Variants in TNS3 observed in about 807,000 individuals in gnomAD.
The protein encoded by TNS3 is tensin-3.
TNS3 carries 45 observed loss-of-function variants against 140.9 expected under a neutral mutation model. That is an observed-to-expected ratio of 0.32 (90% CI 0.25 to 0.41). The LOEUF is 0.41. Among genes scored for constraint, TNS3 ranks in the 10% least tolerant of loss-of-function variants. The pLI is 1.00. For synonymous variants in TNS3, 815 were observed against 788.4 expected, an observed-to-expected ratio of 1.03 and a Z score of -0.56; for missense variants, 1,716 against 1,906.7, an observed-to-expected ratio of 0.90 and a Z score of 1.86.
At chr7:47,308,567 G>T (rs932045588) in intron 20 of TNS3, among the ~76,000 whole-genome samples, 12 of 152,202 alleles carry the variant, frequency 7.9e-5, no homozygotes, top group Middle Eastern at 3.4e-3. Context: ...GGATATTTTT[G>T]TATTCTTATA....
rs1490081796 is a variant in TNS3, at chr7:47,552,660, T to C, written c.-264-23513A>G. ...GACTGCGAACTCAATGGATAAACGTTCTGTGTGTTCTGATGCTCTGGACTG... is the reference window on the plus strand; with the variant it reads ...GACTGCGAACTCAATGGATAAACGTCCTGTGTGTTCTGATGCTCTGGACTG... On this transcript the variant is annotated intron_variant, in intron 1 of 30. Transcript: ENST00000311160. Among the ~76,000 whole-genome samples the C allele has an allele frequency of 2.0e-5, 3 of 152,172 alleles. No homozygotes were observed. In the East Asian group the frequency reaches 5.8e-4, roughly 29 times the overall value.
chr7:47,382,915 G>C (rs554220147), intron 16 of TNS3, among the ~76,000 whole-genome samples: 2 of 152,138 alleles, frequency 1.3e-5, no homozygotes, highest in Non-Finnish European at 2.9e-5. Context: ...TGAGTTTCCC[G>C]AATATCTCTG....
intron 10 of TNS3, 151 bp from the exon 11 acceptor site, chr7:47,415,357 T>A (rs900842231): frequency 3.4e-6 from 2 of 585,538 alleles, no homozygotes; most frequent in Non-Finnish European, 5.9e-6. Context: ...AGCATGGTGC[T>A]GCGCTTACAG....
intron 20 of TNS3, among the ~76,000 whole-genome samples, chr7:47,321,830 T>C (rs1194154270): frequency 6.6e-6 from 1 of 152,084 alleles, no homozygotes; most frequent in Non-Finnish European, 1.5e-5. Flanking sequence ...CCAAAGACCA[T>C]CCACTTAGAA....
intron 17 of TNS3, among the ~76,000 whole-genome samples, chr7:47,348,112 G>C (rs1015090440): frequency 3.3e-5 from 5 of 152,388 alleles, no homozygotes; most frequent in African/African-American, 7.2e-5. Flanking sequence ...CCAAGAATGA[G>C]TTTAAAGAGG....
chr7:47,478,893 TAACA>T (rs1797305135), intron 4 of TNS3, among the ~76,000 whole-genome samples: 1 of 151,714 alleles, frequency 6.6e-6, no homozygotes, highest in Non-Finnish European at 1.5e-5. Flanking sequence ...ACTACATGCA[TAACA>T]TACATGTATG....
chr7:47,505,470 G>A (rs576576889), intron 3 of TNS3, among the ~76,000 whole-genome samples: 3 of 152,322 alleles, frequency 2.0e-5, no homozygotes, highest in Admixed American at 6.5e-5. Context: ...AAAGCAAGAG[G>A]AGAAGCGCTC....
In TNS3 at chr7:47,369,627, G is replaced by A; in HGVS notation, c.1025-6C>T. The A allele has an allele frequency of 6.5e-7, 1 of 1,546,536 alleles. No homozygotes were observed. On this transcript the variant is annotated splice_region_variant and splice_polypyrimidine_tract_variant and intron_variant, in intron 16 of 30. Coordinates refer to ENST00000311160, the MANE Select transcript of TNS3 (RefSeq NM_022748.12). ...AGGGCCCTGCGTGTGTAGCACTGCG[G>A]GGGAGAAAACCGGAGAGAGGCTTTC...
At chr7:47,497,155 T>G (rs1798043203) in intron 3 of TNS3, among the ~76,000 whole-genome samples, 1 of 152,200 alleles carries the variant, frequency 6.6e-6, no homozygotes, top group African/African-American at 2.4e-5. Flanking sequence ...ATATATATAC[T>G]TTCTTGTCAT....
rs538462143 is a variant in TNS3 at position 47,571,139 on chromosome 7, G to T, written c.-265+10912C>A. 5.3e-5 allele frequency among the ~76,000 whole-genome samples: 8 copies of T among 152,300 alleles called. No homozygotes were observed. The South Asian group carries it at 8.3e-4, about 16-fold the overall frequency. ...CTGAAAAACACTTCTTTTGGGGTCA[G>T]AGCTCTCAAAAGGGTGACCAACCAC... On this transcript the variant is annotated intron_variant, in intron 1 of 30. Transcript: ENST00000311160.
intron 20 of TNS3, among the ~76,000 whole-genome samples, chr7:47,314,459 G>C (rs944988004): frequency 5.9e-5 from 9 of 152,176 alleles, no homozygotes; most frequent in African/African-American, 2.2e-4. Flanking sequence ...CGGCAGGGCT[G>C]GGGGAGGTGC....
At chr7:47,445,913 A>G (rs1190392170) in intron 4 of TNS3, among the ~76,000 whole-genome samples, 1 of 152,238 alleles carries the variant, frequency 6.6e-6, no homozygotes, top group African/African-American at 2.4e-5. Context: ...GGTTGCACAA[A>G]TCTAAACCCT....
At chr7:47,498,753 T>C (rs1485871668) in intron 3 of TNS3, among the ~76,000 whole-genome samples, 2 of 152,206 alleles carry the variant, frequency 1.3e-5, no homozygotes, top group Non-Finnish European at 2.9e-5. Context: ...ACAGCCAACA[T>C]GGTCCCGTCA....
intron 17 of TNS3, among the ~76,000 whole-genome samples, chr7:47,347,291 G>A (rs573734842): frequency 6.6e-6 from 1 of 152,208 alleles, no homozygotes; most frequent in Non-Finnish European, 1.5e-5. Context: ...TTCCAAATTG[G>A]TTGATGGCCA....
chr7:47,456,310 C>T (rs925304743), intron 4 of TNS3, among the ~76,000 whole-genome samples: 1 of 152,056 alleles, frequency 6.6e-6, no homozygotes, highest in African/African-American at 2.4e-5. Context: ...AGTATTTATA[C>T]CAAAGAAATC....
At chr7:47,329,108 G>A (rs1788191323) in intron 20 of TNS3, among the ~76,000 whole-genome samples, 1 of 152,100 alleles carries the variant, frequency 6.6e-6, no homozygotes, top group Admixed American at 6.5e-5. Flanking sequence ...CCCGTGACCC[G>A]AAATCTGACT....
chr7:47,482,829 G>T (rs1051801679), intron 3 of TNS3, among the ~76,000 whole-genome samples: 20 of 152,188 alleles, frequency 1.3e-4, no homozygotes, highest in Non-Finnish European at 2.6e-4. Flanking sequence ...CTCTGAAAAG[G>T]CCACATACTG....
In TNS3 at chr7:47,304,932, T is replaced by C; in HGVS notation, c.2722A>G (p.Thr908Ala). 2.1e-6 allele frequency: 3 copies of C among 1,434,434 alleles called. No homozygotes were observed. The highest frequency in any genetic ancestry group is 1.6e-5 in the South Asian group (1 of 63,064). The allele number at this position is 1,434,434 out of a possible 1,614,324, so 88.9% of individuals were successfully genotyped here. The change falls in exon 21 of 31, where the codon ACG becomes GCG. Residue 908 changes from threonine (T) to alanine (A), a missense_variant. Thr to Ala is a moderately conservative substitution (Grantham distance 58). This residue lies in a region of TNS3 where 1,163 missense variants were observed against 1,182.1 expected (regional missense o/e 0.98). Transcript: ENST00000311160. ...GAGGACGCATCAGCCCGGAGCATCGTGGATTTGGGTCCGATGGGGCTCTCT... is the reference window on the plus strand; with the variant it reads ...GAGGACGCATCAGCCCGGAGCATCGCGGATTTGGGTCCGATGGGGCTCTCT... ...MSESPIGPKS[T>A]MLRADASSTP...
Position 47,380,766 on chromosome 7 carries a change from G to GCA in TNS3, c.1025-11146_1025-11145insTG, listed in dbSNP as rs113541286. ...CAGACACACATACACATATGCACGC[G>GCA]CGCGCACACACACACACACACAAAT... On this transcript the variant is annotated intron_variant, in intron 16 of 30. Coordinates refer to ENST00000311160, the MANE Select transcript of TNS3 (RefSeq NM_022748.12). 5.5e-3 allele frequency among the ~76,000 whole-genome samples: 781 copies of GCA among 140,996 alleles called. 3 individuals are homozygous for GCA. The highest frequency in any genetic ancestry group is 0.021 in the Middle Eastern group (6 of 280). 92.5% of individuals were successfully genotyped at this position (140,996 alleles called of 152,430 possible).
Sources: allele counts gnomAD v4.1 joint callset (sites outside exome capture counted in the v4.1 genomes callset), GRCh38; gene constraint gnomAD v4.1.1; regional missense constraint gnomAD v4.1.1; transcripts MANE v1.5; gene names NCBI Gene and HGNC (gene_info 2026-07-23, HGNC 2026-07-21).